The following PPP1R13L variants were observed in gnomAD, a reference collection of about 807,000 sequenced individuals.
The protein encoded by PPP1R13L is protein phosphatase 1 regulatory subunit 13 like, also known as relA-associated inhibitor.
PPP1R13L carries 50 observed loss-of-function variants against 80.9 expected under a neutral mutation model. That is an observed-to-expected ratio of 0.62 (90% CI 0.49 to 0.78). The LOEUF is 0.78. Ranked by LOEUF, PPP1R13L falls within the 30% of genes least tolerant of loss-of-function variation. PPP1R13L has a pLI of 0.00. For synonymous variants in PPP1R13L, 602 were observed against 534.3 expected (o/e 1.13, Z -1.75); for missense variants, 1,200 against 1,205.9 (o/e 1.00, Z 0.07).
chr19:45,395,713 G>C lies in PPP1R13L; in HGVS notation c.1077C>G (p.Pro359=). Residue 359 remains proline (P), a synonymous_variant, in exon 7 of 13, where the codon CCC becomes CCG. Transcript: ENST00000360957. ...VSRIPMPPSS[P]QPRGAPRQRP... ...GCTGGCGCGGGGCCCCGCGGGGCTG[G>C]GGGCTGGAGGGGGGCATGGGGATGC... 18 of 1,473,922 alleles carry C rather than the reference G, an allele frequency of 1.2e-5. No individual in the cohort carries two copies. Among genetic ancestry groups the C allele is most frequent in the Non-Finnish European group, 1.5e-5 (17 of 1,119,742 alleles). The allele number at this position is 1,473,922 out of a possible 1,614,324, so 91.3% of individuals were successfully genotyped here.
chr19:45,395,777 G>A lies in PPP1R13L; in HGVS notation c.1013C>T (p.Pro338Leu). Residue 338 changes from proline (P) to leucine (L), a missense_variant, in exon 7 of 13, where the codon CCG becomes CTG. Around this residue, in one of 5 missense-constraint regions of PPP1R13L, gnomAD observed 764 missense variants for 714.5 expected, o/e 1.07. Coordinates refer to ENST00000360957, the MANE Select transcript of PPP1R13L (RefSeq NM_006663.4). The part of the protein sequence containing the change: ...SYRRSLGSAG[P>L]SGTLPRSWQP... ...CCAGCTGCGAGGCAAAGTGCCCGACGGCCCCGCGGAGCCCAGCGAGCGCCG... is the reference window on the plus strand; with the variant it reads ...CCAGCTGCGAGGCAAAGTGCCCGACAGCCCCGCGGAGCCCAGCGAGCGCCG... The A allele has an allele frequency of 9.6e-6, 15 of 1,562,494 alleles. No homozygotes were observed. The highest frequency in any genetic ancestry group is 1.2e-5 in the Non-Finnish European group (14 of 1,158,316).
Position 45,402,904 on chromosome 19 carries a change from A to T in PPP1R13L, c.-22+2095T>A, listed in dbSNP as rs79293145. Reference sequence around the variant, plus strand: ...AGTCATCTTCAGTAGGAACCGGGTCAGAGAGCCAGACTGAGCTGGGAACAC... The same window carrying T: ...AGTCATCTTCAGTAGGAACCGGGTCTGAGAGCCAGACTGAGCTGGGAACAC... On this transcript the variant is annotated intron_variant, in intron 1 of 12. Transcript: ENST00000360957. Among the ~76,000 whole-genome samples, 41 of 152,334 alleles carry T rather than the reference A, an allele frequency of 2.7e-4. 2 individuals carry two copies. The East Asian group carries it at 7.7e-3, about 29-fold the overall frequency.
Position 45,386,049 on chromosome 19 carries a change from C to G in PPP1R13L, c.1947G>C (p.Glu649Asp). ...CCACCTCCCGCTCAGCAGCGCTCAC[C>G]TCCTTCACCGCCTGCTGCACCACCT... is the stretch of plus-strand genomic sequence containing the variant. ...ELEVVQQAVK[E>D]MNDPSQPNEE... Residue 649 changes from glutamate (E) to aspartate (D), a missense_variant and splice_region_variant, in exon 9 of 13, where the codon GAG becomes GAC. Physicochemically the swap from Glu to Asp is conservative, Grantham distance 45. This residue lies in a region of PPP1R13L where 214 missense variants were observed against 199.6 expected (regional missense o/e 1.07). Transcript: ENST00000360957. 1 of 1,588,300 alleles carries G rather than the reference C, an allele frequency of 6.3e-7. No homozygotes were observed.
chr19:45,398,212 G>T, intron 2 of PPP1R13L, 52 bp downstream of exon 2: 1 of 1,612,814 alleles, frequency 6.2e-7, no homozygotes, highest in Non-Finnish European at 8.5e-7. Flanking sequence ...AGCACCCCTC[G>T]CCCGCTGCCG....
rs1972734213 is a variant in PPP1R13L at position 45,380,132 on chromosome 19, C to G, written c.*58G>C. The G allele has an allele frequency of 6.3e-7, 1 of 1,594,564 alleles. No homozygotes were observed. Among genetic ancestry groups the G allele is most frequent in the East Asian group, 2.2e-5 (1 of 44,726 alleles). ...GGCAGCAAAAAACAGAGGGAGAGGTCTGGAGGGAAGGCAGGAATGCTTGTT... is the reference window on the plus strand; with the variant it reads ...GGCAGCAAAAAACAGAGGGAGAGGTGTGGAGGGAAGGCAGGAATGCTTGTT... On this transcript the variant is annotated 3_prime_UTR_variant, in exon 13 of 13. Coordinates refer to ENST00000360957, the MANE Select transcript of PPP1R13L (RefSeq NM_006663.4).
Position 45,391,993 on chromosome 19 carries a change from G to T in PPP1R13L, c.1702C>A (p.Pro568Thr), listed in dbSNP as rs756188321. The change falls in exon 8 of 13, where the codon CCC (proline) becomes ACC (threonine). Residue 568 changes from proline to threonine, a missense_variant. Physicochemically the swap from Pro to Thr is conservative, Grantham distance 38. This residue lies in a region of PPP1R13L where 214 missense variants were observed against 199.6 expected (regional missense o/e 1.07). Coordinates refer to ENST00000360957, the MANE Select transcript of PPP1R13L (RefSeq NM_006663.4). ...CTGGCCTCAGATCCCTCAGTGATGG[G>T]GGACAGCTCTGGCTCCGGCCCCCCG... ...GPGGPEPELSPITEGSEARAG... is the reference protein window; with the variant it reads ...GPGGPEPELSTITEGSEARAG... 2 of 1,531,274 alleles carry T rather than the reference G, an allele frequency of 1.3e-6. No homozygotes were observed. Among genetic ancestry groups the T allele is most frequent in the East Asian group, 4.5e-5 (2 of 43,996 alleles). 94.9% of individuals were successfully genotyped at this position (1,531,274 alleles called of 1,614,324 possible). A position where few individuals can be genotyped will look rare whatever the true frequency, so the allele number is the denominator to read the frequency against.
In PPP1R13L at chr19:45,385,670, G is replaced by A; in HGVS notation, c.2140C>T (p.Gln714Ter). ...NDTVICMALV[Q>*]HGAAIFATTL... ...GTGGCGAAGATTGCAGCGCCGTGCT[G>A]CACCAGCGCCATGCAGATGACTGTG... Residue 714 changes from glutamine (Q) to a stop codon, truncating the protein, a stop_gained, in exon 11 of 13, where the codon CAG becomes TAG. Transcript: ENST00000360957. LOFTEE classifies it high-confidence loss of function. The A allele has an allele frequency of 1.2e-6, 2 of 1,613,050 alleles. No individual in the cohort carries two copies. The highest frequency in any genetic ancestry group is 8.5e-7 in the Non-Finnish European group (1 of 1,179,830).
In PPP1R13L at chr19:45,392,210, T is replaced by A. The variant is rs138531394; in HGVS notation, c.1485A>T (p.Pro495=). The change falls in exon 8 of 13, where the codon CCA becomes CCT. Residue 495 remains proline (P), a synonymous_variant. Transcript: ENST00000360957. ...ARPLSPTRLQ[P]ALPPEAQSVP... is the part of the protein sequence containing the mutation. ...CCGACTGTGCCTCCGGTGGCAGTGC[T>A]GGCTGCAGCCTCGTGGGGCTGAGAG... The A allele has an allele frequency of 2.7e-5, 43 of 1,611,768 alleles. 1 individual carries two copies. In the South Asian group the frequency reaches 4.7e-4, roughly 18 times the overall value.
Position 45,385,788 on chromosome 19 carries a change from C to T in PPP1R13L, c.2081+36G>A, listed in dbSNP as rs752534324. On this transcript the variant is annotated intron_variant, in intron 10 of 12. Transcript: ENST00000360957. ...GCGTGAGAGGCTGCGCGTCCGCCCA[C>T]GGGGGACCCAGCCCACCGCGCGGGT... is the stretch of plus-strand genomic sequence containing the variant. 3.7e-6 allele frequency: 6 copies of T among 1,608,214 alleles called. No homozygotes were observed. The Admixed American group carries it at 5.0e-5, about 13-fold the overall frequency.
intron 8 of PPP1R13L, 115 bp downstream of exon 8, chr19:45,391,765 C>T (rs1972976466): frequency 2.5e-6 from 2 of 787,672 alleles, no homozygotes; most frequent in African/African-American, 3.6e-5. Context: ...TGGACTTCTA[C>T]TCAAAAGAGG....
Position 45,395,731 on chromosome 19 carries a change from G to C in PPP1R13L, c.1059C>G (p.Pro353=). The C allele has an allele frequency of 6.6e-7, 1 of 1,511,508 alleles. No individual in the cohort carries two copies. Among genetic ancestry groups the C allele is most frequent in the Non-Finnish European group, 8.8e-7 (1 of 1,135,138 alleles). The allele number at this position is 1,511,508 out of a possible 1,614,324, so 93.6% of individuals were successfully genotyped here. A position where few individuals can be genotyped will look rare whatever the true frequency, so the allele number is the denominator to read the frequency against. Residue 353 remains proline (P), a synonymous_variant, in exon 7 of 13, where the codon CCC becomes CCG. Coordinates refer to ENST00000360957, the MANE Select transcript of PPP1R13L (RefSeq NM_006663.4). Reference sequence around the variant, plus strand: ...GGGGCTGGGGGCTGGAGGGGGGCATGGGGATGCGGCTGACGGGCTGCCAGC... The same window carrying C: ...GGGGCTGGGGGCTGGAGGGGGGCATCGGGATGCGGCTGACGGGCTGCCAGC... ...PRSWQPVSRI[P]MPPSSPQPRG... is the part of the protein sequence containing the mutation.
intron 8 of PPP1R13L, 107 bp downstream of exon 8, chr19:45,391,773 A>G: frequency 1.2e-6 from 1 of 833,490 alleles, no homozygotes; most frequent in Non-Finnish European, 1.7e-6. Flanking sequence ...TACTCAAAAG[A>G]GGAGAAAACT....
intron 12 of PPP1R13L, among the ~76,000 whole-genome samples, chr19:45,381,158 G>A (rs1285988629): frequency 2.0e-5 from 3 of 151,206 alleles, no homozygotes; most frequent in Non-Finnish European, 4.4e-5. Flanking sequence ...AGGCTTAAGC[G>A]ATTCTCCTGT....
rs755245075 is a variant in PPP1R13L, at chr19:45,382,629, G to C, written c.2346C>G (p.Gly782=). 2.5e-6 allele frequency: 4 copies of C among 1,613,816 alleles called. No individual in the cohort carries two copies. The highest frequency in any genetic ancestry group is 1.7e-6 in the Non-Finnish European group (2 of 1,180,032). The change falls in exon 12 of 13, where the codon GGC becomes GGG. Residue 782 remains glycine, a synonymous_variant. Transcript: ENST00000360957. The stretch of plus-strand genomic sequence containing the variant: ...CCCTCCGCAGCACGGTGACCGACTC[G>C]CCCTCGCGGAAGGACAGCTCGTCCC... ...EFGDELSFRE[G]ESVTVLRRDG... is the part of the protein sequence containing the mutation.
chr19:45,392,896 T>G lies in PPP1R13L; in HGVS notation c.1355-556A>C, dbSNP rs997658142. On this transcript the variant is annotated intron_variant, in intron 7 of 12. Coordinates refer to ENST00000360957, the MANE Select transcript of PPP1R13L (RefSeq NM_006663.4). ...AATATGCATTATTGGCTGAGTCGAG[T>G]GGCTCACACCTGTAATCCCAGAACT... 8 of 186,248 alleles carry G rather than the reference T, an allele frequency of 4.3e-5. No individual in the cohort carries two copies. In the East Asian group the frequency reaches 4.9e-4, roughly 11 times the overall value. The allele number at this position is 186,248 out of a possible 1,614,324, so 11.5% of individuals were successfully genotyped here.
At chr19:45,381,263 T>G (rs58114647) in intron 12 of PPP1R13L, among the ~76,000 whole-genome samples, 1 of 151,214 alleles carries the variant, frequency 6.6e-6, no homozygotes, top group Non-Finnish European at 1.5e-5. Flanking sequence ...AGTTTCACCA[T>G]GTTGGCCAGG....
At chr19:45,387,617 C>T (rs1370195596) in intron 8 of PPP1R13L, among the ~76,000 whole-genome samples, 1 of 152,144 alleles carries the variant, frequency 6.6e-6, no homozygotes, top group South Asian at 2.1e-4. Context: ...TGCAGTGGTG[C>T]GATCTCAGCT....
At chr19:45,406,334 T>C, upstream of PPP1R13L, 1 of 1,176,398 alleles carries the variant, frequency 8.5e-7, no homozygotes, top group Non-Finnish European at 1.1e-6. This position sits in a 1 kb window ranked among gnomAD's most constrained non-coding sequence, Gnocchi z 4.2. Context: ...GTCCTGTCTC[T>C]TTAAGGCTTA....
At position 45,396,822 on chromosome 19, in the gene PPP1R13L, G is replaced by T. The variant is rs771415069; in HGVS notation, c.435C>A (p.Ala145=). The change falls in exon 4 of 13, where the codon GCC becomes GCA. Residue 145 remains alanine, a synonymous_variant. Coordinates refer to ENST00000360957, the MANE Select transcript of PPP1R13L (RefSeq NM_006663.4). The surrounding 1 kb of genome is among the most constrained non-coding windows in gnomAD (Gnocchi z 5.3). Reference sequence around the variant, plus strand: ...CGAGGGAGCTGCCTGCGCCATCGAAGGCGCGGGGCCGGGGCGAGGTCGCGC... The same window carrying T: ...CGAGGGAGCTGCCTGCGCCATCGAATGCGCGGGGCCGGGGCGAGGTCGCGC... ...LDRATSPRPR[A]FDGAGSSLGR... The T allele has an allele frequency of 1.4e-6, 2 of 1,456,016 alleles. No homozygotes were observed. Among genetic ancestry groups the T allele is most frequent in the African/African-American group, 2.9e-5 (2 of 68,074 alleles). The allele number at this position is 1,456,016 out of a possible 1,614,324, so 90.2% of individuals were successfully genotyped here.
Sources: gnomAD v4.1 joint callset for allele counts (sites outside exome capture counted in the v4.1 genomes callset) on GRCh38, gnomAD v4.1.1 for gene constraint, gnomAD v4.1.1 regional missense constraint, Gnocchi (gnomAD v3.1) non-coding constraint, MANE v1.5 for transcripts, NCBI Gene and HGNC (gene_info 2026-07-23, HGNC 2026-07-21) for gene names.